The following ROPN1 variants were observed in gnomAD, a reference collection of about 807,000 sequenced individuals.
ROPN1 encodes the protein rhophilin associated tail protein 1.
A neutral mutation model predicts 20.5 loss-of-function variants in ROPN1; 14 were observed. The ratio of observed to expected loss-of-function variants is 0.68; its 90% CI spans 0.45 to 1.07. ROPN1 has a LOEUF of 1.07. ROPN1 is among the 50% of genes least tolerant of loss of function. The pLI is 0.00. For synonymous variants in ROPN1, 76 were observed against 95.7 expected (o/e 0.79, Z 1.20); for missense variants, 169 against 242.8 (o/e 0.70, Z 2.02).
intron 4 of ROPN1, among the ~76,000 whole-genome samples, chr3:123,972,522 T>C (rs1262975436): frequency 6.6e-6 from 1 of 152,244 alleles, no homozygotes; most frequent in Non-Finnish European, 1.5e-5. Context: ...CCTTTTTTAA[T>C]AATCAGTTCA....
At chr3:123,973,806 G>A (rs2037960808) in intron 4 of ROPN1, among the ~76,000 whole-genome samples, 1 of 152,168 alleles carries the variant, frequency 6.6e-6, no homozygotes, top group African/African-American at 2.4e-5. Context: ...AGCCAGTTGG[G>A]GAGGCATCAT....
At chr3:123,984,980 A>T (rs6779131) in intron 1 of ROPN1, among the ~76,000 whole-genome samples, 134,248 of 152,224 alleles carry the variant, frequency 0.88, 59,281 homozygotes, top group East Asian at 1. Context: ...TAGTATGCAT[A>T]TTACCACTCA....
chr3:123,986,415 G>T (rs1420377254), intron 1 of ROPN1, among the ~76,000 whole-genome samples: 1 of 152,120 alleles, frequency 6.6e-6, no homozygotes, highest in Admixed American at 6.5e-5. Context: ...GGGGAGCAGG[G>T]GTCCCTGATG....
intron 1 of ROPN1, among the ~76,000 whole-genome samples, chr3:123,989,654 T>A (rs1307908466): frequency 6.6e-6 from 1 of 152,234 alleles, no homozygotes; most frequent in Non-Finnish European, 1.5e-5. Context: ...GCCCAACTGC[T>A]GGAGTACACA....
At chr3:123,970,258 A>T in intron 4 of ROPN1, 41 bp from the exon 5 acceptor site, 1 of 1,565,026 alleles carries the variant, frequency 6.4e-7, no homozygotes, top group South Asian at 1.1e-5. Context: ...TTACTCTTCC[A>T]GGCAATATTC....
chr3:123,978,295 T>C (rs969442847), intron 2 of ROPN1, among the ~76,000 whole-genome samples: 29 of 152,068 alleles, frequency 1.9e-4, no homozygotes, highest in Non-Finnish European at 3.4e-4. Flanking sequence ...AATATGACAA[T>C]AGGAGCAGGG....
intron 2 of ROPN1, 36 bp from the exon 3 acceptor site, chr3:123,977,017 A>G (rs1348470700): frequency 1.3e-6 from 2 of 1,565,686 alleles, no homozygotes; most frequent in Non-Finnish European, 1.7e-6. Flanking sequence ...GGAGGATCCT[A>G]TACACCAGTG....
At chr3:123,978,271 C>G (rs7615632) in intron 2 of ROPN1, among the ~76,000 whole-genome samples, 4 of 151,752 alleles carry the variant, frequency 2.6e-5, no homozygotes, top group African/African-American at 2.4e-5. Flanking sequence ...TTGGGGTGGG[C>G]GGGGTGTGGG....
chr3:123,983,071 T>G (rs547333772), intron 1 of ROPN1, among the ~76,000 whole-genome samples: 1 of 152,360 alleles, frequency 6.6e-6, no homozygotes, highest in East Asian at 1.9e-4. Context: ...TCAGATGTGT[T>G]ACCCATTGCA....
intron 1 of ROPN1, among the ~76,000 whole-genome samples, chr3:123,989,662 A>C (rs114073505): frequency 0.014 from 2,061 of 152,340 alleles, 41 homozygotes; most frequent in African/African-American, 0.047. Flanking sequence ...GCTGGAGTAC[A>C]CAGTGGCTAT....
At chr3:123,990,031 C>G (rs2038367012) in intron 1 of ROPN1, among the ~76,000 whole-genome samples, 1 of 152,130 alleles carries the variant, frequency 6.6e-6, no homozygotes, top group African/African-American at 2.4e-5. Flanking sequence ...ATTATATGCT[C>G]AAAAAATTAC....
intron 1 of ROPN1, among the ~76,000 whole-genome samples, chr3:123,986,652 G>A (rs1377914117): frequency 1.3e-5 from 2 of 152,202 alleles, no homozygotes; most frequent in Admixed American, 6.5e-5. Context: ...CAGTCAGTGG[G>A]GGTCAGCAGG....
At chr3:123,985,396 TTTCTC>T (rs1422754788) in intron 1 of ROPN1, among the ~76,000 whole-genome samples, 1 of 152,230 alleles carries the variant, frequency 6.6e-6, no homozygotes, top group Non-Finnish European at 1.5e-5. Flanking sequence ...TTGATTTAAT[TTTCTC>T]TTATTTTTCA....
chr3:123,978,455 T>A (rs1050106346), intron 2 of ROPN1, among the ~76,000 whole-genome samples: 1 of 152,184 alleles, frequency 6.6e-6, no homozygotes, highest in Non-Finnish European at 1.5e-5. Context: ...TTAGACAACA[T>A]GGAAGCAAAG....
At chr3:123,978,099 A>G (rs1269629738) in intron 2 of ROPN1, among the ~76,000 whole-genome samples, 1 of 152,240 alleles carries the variant, frequency 6.6e-6, no homozygotes, top group Non-Finnish European at 1.5e-5. Context: ...GGGTCAAGCC[A>G]TACAATGATG....
intron 1 of ROPN1, among the ~76,000 whole-genome samples, chr3:123,981,086 G>C (rs2038137962): frequency 6.6e-6 from 1 of 152,142 alleles, no homozygotes; most frequent in Non-Finnish European, 1.5e-5. Flanking sequence ...CTCTCAAAAA[G>C]TTCCAGGACA....
intron 1 of ROPN1, chr3:123,980,742 A>G (rs949044852): frequency 2.6e-6 from 1 of 379,506 alleles, no homozygotes; most frequent in South Asian, 9.8e-5. Flanking sequence ...AGTGGAGGTC[A>G]GCAAAAAATT....
At chr3:123,984,790 C>G (rs2038217449) in intron 1 of ROPN1, among the ~76,000 whole-genome samples, 1 of 152,192 alleles carries the variant, frequency 6.6e-6, no homozygotes, top group Admixed American at 6.5e-5. Context: ...ACTGTCTCGC[C>G]CACTGTTAAC....
intron 1 of ROPN1, among the ~76,000 whole-genome samples, chr3:123,987,200 G>C (rs2038280590): frequency 6.6e-6 from 1 of 152,190 alleles, no homozygotes; most frequent in Non-Finnish European, 1.5e-5. Context: ...GTGACTGAGG[G>C]GTCCCCTCCT....
Sources: gnomAD v4.1 joint callset for allele counts (sites outside exome capture counted in the v4.1 genomes callset) on GRCh38, gnomAD v4.1.1 for gene constraint, MANE v1.5 for transcripts, NCBI Gene and HGNC (gene_info 2026-07-23, HGNC 2026-07-21) for gene names.